Variants in TNFAIP8L3 observed in about 807,000 individuals in gnomAD.
TNFAIP8L3 encodes tumor necrosis factor alpha-induced protein 8-like protein 3.
Under a neutral mutation model 11.8 loss-of-function variants are expected in TNFAIP8L3, and 7 were observed. The observed-to-expected ratio is 0.59, with a 90% confidence interval of 0.34 to 1.11. The LOEUF (loss-of-function observed/expected upper bound fraction) is 1.11. Among genes scored for constraint, TNFAIP8L3 ranks in the 50% most tolerant of loss-of-function variants. TNFAIP8L3 has a pLI of 0.03. For missense variants in TNFAIP8L3, 219 were observed against 258.6 expected (o/e 0.85, Z 1.05); for synonymous variants, 98 against 103.8 (o/e 0.94, Z 0.34).
intron 1 of TNFAIP8L3, among the ~76,000 whole-genome samples, chr15:51,062,682 A>G (rs1025768204): frequency 2.0e-5 from 3 of 152,246 alleles, no homozygotes; most frequent in Non-Finnish European, 4.4e-5. Flanking sequence ...TCTTGATTAC[A>G]TAAATTTAAA....
At chr15:51,090,942 T>G (rs557058768) in intron 1 of TNFAIP8L3, among the ~76,000 whole-genome samples, 2 of 150,652 alleles carry the variant, frequency 1.3e-5, no homozygotes, top group African/African-American at 4.9e-5. Flanking sequence ...GGGAAAAAAC[T>G]GACGTCGCTG....
At chr15:51,085,465 T>C (rs2065420938) in intron 1 of TNFAIP8L3, among the ~76,000 whole-genome samples, 1 of 152,130 alleles carries the variant, frequency 6.6e-6, no homozygotes, top group South Asian at 2.1e-4. Flanking sequence ...CGTGGGCCTG[T>C]GCTGGTCTGA....
At position 51,058,212 on chromosome 15, in the gene TNFAIP8L3, T is replaced by C; in HGVS notation, c.284A>G (p.Asn95Ser). 6.2e-7 allele frequency: 1 copy of C among 1,614,228 alleles called. No homozygotes were observed. Among genetic ancestry groups the C allele is most frequent in the Middle Eastern group, 1.6e-4 (1 of 6,062 alleles). ...AACCAGCTCCTCTTGGCTAAACTGG[T>C]TGTTCCGGTAGAGGATCCCGATTTT... Reference protein sequence around the residue: ...AIKIGILYRNNQFSQEELVIV... With the variant: ...AIKIGILYRNSQFSQEELVIV... Residue 95 changes from asparagine to serine, a missense_variant, in exon 2 of 2, where the codon AAC (asparagine) becomes AGC (serine). By Grantham distance (46) the Asn-to-Ser change is conservative. Transcript: ENST00000637513.
chr15:51,104,665 T>G (rs1262922930), intron 1 of TNFAIP8L3, among the ~76,000 whole-genome samples: 1 of 152,228 alleles, frequency 6.6e-6, no homozygotes, highest in Admixed American at 6.5e-5. Flanking sequence ...GGCTGGAGGT[T>G]TTGGCTCTCT....
intron 1 of TNFAIP8L3, among the ~76,000 whole-genome samples, chr15:51,060,502 C>T (rs2065235765): frequency 6.6e-6 from 1 of 152,194 alleles, no homozygotes; most frequent in African/African-American, 2.4e-5. Context: ...TCTTTAGACT[C>T]TCTAGAAATG....
chr15:51,076,363 A>G (rs1172220475), intron 1 of TNFAIP8L3, among the ~76,000 whole-genome samples: 1 of 152,160 alleles, frequency 6.6e-6, no homozygotes, highest in Non-Finnish European at 1.5e-5. Flanking sequence ...GGGGAATCCC[A>G]TTCACATCAC....
intron 1 of TNFAIP8L3, among the ~76,000 whole-genome samples, chr15:51,085,456 G>A (rs1025389370): frequency 5.3e-5 from 8 of 152,182 alleles, no homozygotes; most frequent in Admixed American, 1.3e-4. Context: ...ACGTGCTAGC[G>A]TGGGCCTGTG....
At chr15:51,063,688 A>G (rs935644806) in intron 1 of TNFAIP8L3, among the ~76,000 whole-genome samples, 12 of 152,204 alleles carry the variant, frequency 7.9e-5, no homozygotes, top group African/African-American at 2.2e-4. Context: ...TGCTATGAGG[A>G]TATCCCGAGA....
At chr15:51,091,232 C>G (rs2065466974) in intron 1 of TNFAIP8L3, among the ~76,000 whole-genome samples, 1 of 152,244 alleles carries the variant, frequency 6.6e-6, no homozygotes, top group Non-Finnish European at 1.5e-5. Context: ...AGACAAATTT[C>G]ATCCTCCGCC....
intron 1 of TNFAIP8L3, among the ~76,000 whole-genome samples, chr15:51,091,449 G>A (rs1341386804): frequency 1.3e-5 from 2 of 152,156 alleles, no homozygotes; most frequent in Non-Finnish European, 2.9e-5. Context: ...GAGGTGGAGG[G>A]CAGGGGATTG....
chr15:51,083,608 C>T (rs2065407091), intron 1 of TNFAIP8L3, among the ~76,000 whole-genome samples: 2 of 152,176 alleles, frequency 1.3e-5, no homozygotes, highest in Admixed American at 6.5e-5. Context: ...CCCACGGGTG[C>T]GTTTAGACTG....
At chr15:51,077,988 G>C (rs572008733) in intron 1 of TNFAIP8L3, among the ~76,000 whole-genome samples, 1 of 152,312 alleles carries the variant, frequency 6.6e-6, no homozygotes, top group African/African-American at 2.4e-5. Flanking sequence ...CGTTTTAGCT[G>C]AACTAAGGGG....
In TNFAIP8L3 at chr15:51,057,796, T is replaced by G; in HGVS notation, c.*85A>C. 8.4e-7 allele frequency: 1 copy of G among 1,197,424 alleles called. No individual in the cohort carries two copies. The highest frequency in any genetic ancestry group is 1.2e-6 in the Non-Finnish European group (1 of 851,364). The allele number at this position is 1,197,424 out of a possible 1,614,324, so 74.2% of individuals were successfully genotyped here. ...GAACATGGACATCTTTGACAAGGGT[T>G]TCTGCTTATGTTCTTGATTCTCACC... On this transcript the variant is annotated 3_prime_UTR_variant, in exon 2 of 2. Coordinates refer to ENST00000637513, the MANE Select transcript of TNFAIP8L3 (RefSeq NM_001311175.2).
intron 1 of TNFAIP8L3, among the ~76,000 whole-genome samples, chr15:51,063,212 A>G (rs2065251183): frequency 6.6e-6 from 1 of 152,242 alleles, no homozygotes; most frequent in South Asian, 2.1e-4. Context: ...AATTTGTTAC[A>G]GCAGCAATAG....
upstream of TNFAIP8L3, among the ~76,000 whole-genome samples, chr15:51,096,762 A>C (rs1278974989): frequency 6.6e-6 from 1 of 151,964 alleles, no homozygotes; most frequent in African/African-American, 2.4e-5. Context: ...GTGGTGGTGC[A>C]TGCCTGTAAT....
In TNFAIP8L3 at chr15:51,058,048, G is replaced by T; in HGVS notation, c.448C>A (p.Gln150Lys). ...TGGGTCCTGGGCGTCAGGTGCCGCT[G>T]CACCAGTTCATGCACCAGGTCCTTG... ...ECKDLVHELV[Q>K]RHLTPRTHGR... Residue 150 changes from glutamine to lysine, a missense_variant, in exon 2 of 2, where the codon CAG (glutamine) becomes AAG (lysine). Gln to Lys is a moderately conservative substitution (Grantham distance 53). Coordinates refer to ENST00000637513, the MANE Select transcript of TNFAIP8L3 (RefSeq NM_001311175.2). The T allele has an allele frequency of 1.2e-6, 2 of 1,614,152 alleles. No homozygotes were observed. The highest frequency in any genetic ancestry group is 1.7e-6 in the Non-Finnish European group (2 of 1,180,012).
intron 1 of TNFAIP8L3, among the ~76,000 whole-genome samples, chr15:51,100,434 G>T (rs2065542402): frequency 6.6e-6 from 1 of 151,970 alleles, no homozygotes; most frequent in African/African-American, 2.4e-5. Context: ...TTTAGAGAAA[G>T]AATTTGATGC....
intron 1 of TNFAIP8L3, among the ~76,000 whole-genome samples, chr15:51,063,181 T>G (rs2065251009): frequency 6.6e-6 from 1 of 152,238 alleles, no homozygotes; most frequent in African/African-American, 2.4e-5. Flanking sequence ...AATTGGTGTC[T>G]TAAGCCACTG....
chr15:51,065,620 A>G lies in TNFAIP8L3; in HGVS notation c.53-7177T>C, dbSNP rs1031634495. ...CTCTGAGCTCTCAGCTACAGCCCAG[A>G]AAAGGGCCTCTGAGCATCACTCTAG... On this transcript the variant is annotated intron_variant, in intron 1 of 1. Coordinates refer to ENST00000637513, the MANE Select transcript of TNFAIP8L3 (RefSeq NM_001311175.2). Among the ~76,000 whole-genome samples, 8 of 152,340 alleles carry G rather than the reference A, an allele frequency of 5.3e-5. 1 individual carries two copies. Among genetic ancestry groups the G allele is most frequent in the Admixed American group, 5.2e-4 (8 of 15,308 alleles).
Sources: gnomAD v4.1 joint callset for allele counts (sites outside exome capture counted in the v4.1 genomes callset) on GRCh38, gnomAD v4.1.1 for gene constraint, MANE v1.5 for transcripts, NCBI Gene and HGNC (gene_info 2026-07-23, HGNC 2026-07-21) for gene names.